Variants in SPDYE18 observed in about 807,000 individuals in gnomAD.
SPDYE18 encodes the protein speedy/RINGO cell cycle regulator family member E18.
A neutral mutation model predicts 44.9 loss-of-function variants in SPDYE18; 6 were observed. The ratio of observed to expected loss-of-function variants is 0.13; its 90% CI spans 0.07 to 0.26. SPDYE18 has a LOEUF of 0.26. Ranked by LOEUF, SPDYE18 falls within the 10% of genes least tolerant of loss-of-function variation. The pLI, the probability that SPDYE18 is intolerant of heterozygous loss-of-function variation, is 1.00. For synonymous variants in SPDYE18, 35 were observed against 177.1 expected, an observed-to-expected ratio of 0.20 and a Z score of 6.37; for missense variants, 121 against 463.2, an observed-to-expected ratio of 0.26 and a Z score of 6.78.
intron 5 of SPDYE18, among the ~76,000 whole-genome samples, chr7:77,055,842 TGA>T (rs1190034352): frequency 6.6e-6 from 1 of 151,196 alleles, no homozygotes; most frequent in African/African-American, 2.4e-5. Flanking sequence ...CAGTACTTTT[TGA>T]GAGGTGGAGA....
intron 2 of SPDYE18, among the ~76,000 whole-genome samples, chr7:77,059,661 T>G (rs1208706435): frequency 6.6e-6 from 1 of 151,234 alleles, no homozygotes; most frequent in African/African-American, 2.4e-5. Context: ...TTGTTTTGTT[T>G]TGTTTTGACA....
At chr7:77,057,340 G>C (rs1354636734) in intron 4 of SPDYE18, among the ~76,000 whole-genome samples, 265 of 151,994 alleles carry the variant, frequency 1.7e-3, no homozygotes, top group African/African-American at 6.1e-3. Context: ...CAGCCTCAAA[G>C]TCCTGAGTTC....
intron 6 of SPDYE18, among the ~76,000 whole-genome samples, chr7:77,053,580 C>G (rs1425548132): frequency 6.6e-6 from 1 of 152,274 alleles, no homozygotes; most frequent in Non-Finnish European, 1.5e-5. Context: ...TGGCTCATGC[C>G]TGTAATCCCA....
At position 77,050,838 on chromosome 7, in the gene SPDYE18, A is replaced by G. The variant is rs1213464652; in HGVS notation, c.*1087T>C. Among the ~76,000 whole-genome samples, 5 of 151,108 alleles carry G rather than the reference A, an allele frequency of 3.3e-5. No homozygotes were observed. The highest frequency in any genetic ancestry group is 1.2e-4 in the African/African-American group (5 of 41,376). ...ACACAGCTTTATAGAAACAGCATCT[A>G]TTCAAAAATACCAGTATTTCCAAAA... On this transcript the variant is annotated 3_prime_UTR_variant, in exon 9 of 9. Coordinates refer to ENST00000510091, the MANE Select transcript of SPDYE18 (RefSeq NM_001394953.1).
rs1790002470 is a variant in SPDYE18 at position 77,060,401 on chromosome 7, C to G, written c.112G>C (p.Gly38Arg). The G allele has an allele frequency of 6.5e-7, 1 of 1,535,428 alleles. No homozygotes were observed. The highest frequency in any genetic ancestry group is 8.7e-7 in the Non-Finnish European group (1 of 1,146,922). The change falls in exon 2 of 9, where the codon GGG (glycine) becomes CGG (arginine). Residue 38 changes from glycine (G) to arginine (R), a missense_variant. Physicochemically the swap from Gly to Arg is moderately radical, Grantham distance 125. Transcript: ENST00000510091. Reference sequence around the variant, plus strand: ...TCCACCACCTCCTGGAGGGGGTACCCCGAGGTGCTCCGCTGGAGACTCTGC... The same window carrying G: ...TCCACCACCTCCTGGAGGGGGTACCGCGAGGTGCTCCGCTGGAGACTCTGC... ...NEQSLQRSTSGYPLQEVVDDE... is the reference protein window; with the variant it reads ...NEQSLQRSTSRYPLQEVVDDE...
intron 6 of SPDYE18, among the ~76,000 whole-genome samples, chr7:77,054,585 G>T (rs1489554843): frequency 6.6e-6 from 1 of 152,158 alleles, no homozygotes; most frequent in African/African-American, 2.4e-5. Context: ...ACCCAGAGGA[G>T]GTCGATGGCG....
intron 3 of SPDYE18, among the ~76,000 whole-genome samples, chr7:77,058,523 T>G (rs1443676508): frequency 7.4e-6 from 1 of 135,416 alleles, no homozygotes; most frequent in Non-Finnish European, 1.6e-5. Flanking sequence ...TTTTTTTTTT[T>G]TGAGACAGCG....
chr7:77,054,988 G>T (rs62474225), intron 6 of SPDYE18, among the ~76,000 whole-genome samples: 1 of 151,618 alleles, frequency 6.6e-6, no homozygotes, highest in Non-Finnish European at 1.5e-5. Flanking sequence ...GGCTGGTCTC[G>T]AACTGCTGAC....
rs1161178107 is a variant in SPDYE18 at position 77,051,155 on chromosome 7, G to C, written c.*770C>G. Among the ~76,000 whole-genome samples the C allele has an allele frequency of 2.0e-5, 3 of 152,020 alleles. No homozygotes were observed. The East Asian group carries it at 5.8e-4, about 29-fold the overall frequency. On this transcript the variant is annotated 3_prime_UTR_variant, in exon 9 of 9. Coordinates refer to ENST00000510091, the MANE Select transcript of SPDYE18 (RefSeq NM_001394953.1). ...ACTACCAATAGCTATAAATAGAAGAGATTTTTATGGAAGTATCATAGATAA... is the reference window on the plus strand; with the variant it reads ...ACTACCAATAGCTATAAATAGAAGACATTTTTATGGAAGTATCATAGATAA...
chr7:77,054,769 C>CT (rs149581645), intron 6 of SPDYE18, among the ~76,000 whole-genome samples: 19,394 of 133,630 alleles, frequency 0.15, 884 homozygotes, highest in East Asian at 0.22. Context: ...GTTTTTTTGG[C>CT]TTTTTTTTTT....
At chr7:77,059,420 CTG>C (rs1789984686) in intron 2 of SPDYE18, 22 bp from the exon 3 acceptor site, 1 of 1,500,906 alleles carries the variant, frequency 6.7e-7, no homozygotes, top group Non-Finnish European at 8.8e-7. Flanking sequence ...AACCAGGCCA[CTG>C]TGTAATGCTT....
At chr7:77,061,001 G>A (rs1351377310) in intron 1 of SPDYE18, among the ~76,000 whole-genome samples, 68 bp from the exon 2 acceptor site, 1 of 134,850 alleles carries the variant, frequency 7.4e-6, no homozygotes, top group Non-Finnish European at 1.6e-5. Flanking sequence ...CCTTATAAGA[G>A]TGAGATTATC....
rs547039804 is a variant in SPDYE18 at position 77,051,863 on chromosome 7, C to T, written c.*62G>A. Among the ~76,000 whole-genome samples, 2 of 151,798 alleles carry T rather than the reference C, an allele frequency of 1.3e-5. No homozygotes were observed. The highest frequency in any genetic ancestry group is 4.2e-4 in the South Asian group (2 of 4,794). On this transcript the variant is annotated 3_prime_UTR_variant, in exon 9 of 9. Transcript: ENST00000510091. Reference sequence around the variant, plus strand: ...AAGTTCCTGCTGAAAATCCACATCTCCCCTGGGTCCGGTGTTCTGGAAGTG... The same window carrying T: ...AAGTTCCTGCTGAAAATCCACATCTTCCCTGGGTCCGGTGTTCTGGAAGTG...
intron 2 of SPDYE18, among the ~76,000 whole-genome samples, chr7:77,059,838 C>T (rs1220039954): frequency 6.8e-6 from 1 of 146,888 alleles, no homozygotes; most frequent in African/African-American, 2.5e-5. Context: ...TTAGTAGAGA[C>T]AGGGTTTCAC....
Position 77,060,449 on chromosome 7 carries a change from G to A in SPDYE18, c.64C>T (p.Arg22Cys), listed in dbSNP as rs922275235. 1.0e-5 allele frequency: 16 copies of A among 1,535,174 alleles called. No individual in the cohort carries two copies. Among genetic ancestry groups the A allele is most frequent in the South Asian group, 4.8e-5 (4 of 83,966 alleles). ...TGCTCATTCTGGGGGTGCGGTTGACGGCTGGTCGTGATCTTTCCCGTAATC... is the reference window on the plus strand; with the variant it reads ...TGCTCATTCTGGGGGTGCGGTTGACAGCTGGTCGTGATCTTTCCCGTAATC... ...GQITGKITTS[R>C]QPHPQNEQSL... Residue 22 changes from arginine to cysteine, a missense_variant, in exon 2 of 9, where the codon CGT becomes TGT. Coordinates refer to ENST00000510091, the MANE Select transcript of SPDYE18 (RefSeq NM_001394953.1).
chr7:77,060,158 G>A (rs1789997961), intron 2 of SPDYE18, among the ~76,000 whole-genome samples, 195 bp downstream of exon 2: 1 of 148,458 alleles, frequency 6.7e-6, no homozygotes, highest in South Asian at 2.1e-4. Flanking sequence ...ACTACCACTT[G>A]ACTACTTTTT....
At chr7:77,054,780 T>C (rs1305912684) in intron 6 of SPDYE18, among the ~76,000 whole-genome samples, 2 of 150,606 alleles carry the variant, frequency 1.3e-5, no homozygotes, top group African/African-American at 4.8e-5. Context: ...TTTTTTTTTT[T>C]TTTTTGAGAA....
In SPDYE18 at chr7:77,053,119, G is replaced by A. The variant is rs1732227746; in HGVS notation, c.840C>T (p.Arg280=). The A allele has an allele frequency of 1.2e-5, 20 of 1,614,224 alleles. No individual in the cohort carries two copies. Among genetic ancestry groups the A allele is most frequent in the Non-Finnish European group, 1.4e-5 (17 of 1,180,054 alleles). The change falls in exon 7 of 9, where the codon CGC becomes CGT. Residue 280 remains arginine (R), a synonymous_variant. Transcript: ENST00000510091. ...ACCGACGGTTACGGACCAAGGGTATGCGAGAGCGGGTCTTCCCATACAGGA... is the reference window on the plus strand; with the variant it reads ...ACCGACGGTTACGGACCAAGGGTATACGAGAGCGGGTCTTCCCATACAGGA... The part of the protein sequence containing the change: ...FYFLYGKTRS[R]IPLVRNRRFQ...
Position 77,060,376 on chromosome 7 carries a change from T to A in SPDYE18, c.137A>T (p.Asp46Val), listed in dbSNP as rs201284189. The change falls in exon 2 of 9, where the codon GAT becomes GTT. Residue 46 changes from aspartate (D) to valine (V), a missense_variant. Coordinates refer to ENST00000510091, the MANE Select transcript of SPDYE18 (RefSeq NM_001394953.1). ...ACCTGATGGTCCCAACACTTCATCA[T>A]CCACCACCTCCTGGAGGGGGTACCC... ...TSGYPLQEVV[D>V]DEVLGPSAPG... 9.1e-6 allele frequency: 14 copies of A among 1,535,372 alleles called. No individual in the cohort carries two copies. Among genetic ancestry groups the A allele is most frequent in the Non-Finnish European group, 1.2e-5 (14 of 1,146,892 alleles).
Sources: gnomAD v4.1 joint callset for allele counts (sites outside exome capture counted in the v4.1 genomes callset) on GRCh38, gnomAD v4.1.1 for gene constraint, MANE v1.5 for transcripts, NCBI Gene and HGNC (gene_info 2026-07-23, HGNC 2026-07-21) for gene names.